ZNF486: variants seen among roughly 807,000 people sequenced by gnomAD.
ZNF486 encodes zinc finger protein 486.
A neutral mutation model predicts 12.8 loss-of-function variants in ZNF486; 12 were observed. That is an observed-to-expected ratio of 0.94 (90% CI 0.60 to 1.52). The LOEUF (loss-of-function observed/expected upper bound fraction) is 1.52, where lower values mean the gene tolerates loss of function less well. ZNF486 is among the 40% of genes most tolerant of loss of function. The pLI is 0.00. For missense variants in ZNF486, 738 were observed against 545.0 expected, an observed-to-expected ratio of 1.35 and a Z score of -3.53; for synonymous variants, 231 against 184.9, an observed-to-expected ratio of 1.25 and a Z score of -2.02.
intron 3 of ZNF486, among the ~76,000 whole-genome samples, chr19:20,192,332 C>T (rs2089910665): frequency 6.6e-6 from 1 of 152,084 alleles, no homozygotes; most frequent in African/African-American, 2.4e-5. Context: ...TATTTTGAGA[C>T]AGAGTTTCAC....
At chr19:20,175,920 G>A (rs1358696103) in intron 1 of ZNF486, among the ~76,000 whole-genome samples, 15 of 151,848 alleles carry the variant, frequency 9.9e-5, no homozygotes, top group East Asian at 3.9e-4. Context: ...GGGCAGAGGC[G>A]CCCCTCACCT....
At chr19:20,190,319 C>T (rs782298112) in intron 3 of ZNF486, among the ~76,000 whole-genome samples, 3 of 152,290 alleles carry the variant, frequency 2.0e-5, no homozygotes, top group Non-Finnish European at 1.5e-5. Flanking sequence ...TTACCTTTTG[C>T]TTTTAATTCC....
intron 1 of ZNF486, among the ~76,000 whole-genome samples, chr19:20,169,419 T>C (rs1275070295): frequency 6.6e-6 from 1 of 152,078 alleles, no homozygotes; most frequent in Non-Finnish European, 1.5e-5. Context: ...AACAGGAGGT[T>C]ATTAAAGGCC....
rs567590582 is a variant in ZNF486 at position 20,190,937 on chromosome 19, G to C, written c.253+4855G>C. ...AGGCAAATTTCTCATGAACGGCATGGTACATCCTCTTGGTAACCAAAACTT... is the reference window on the plus strand; with the variant it reads ...AGGCAAATTTCTCATGAACGGCATGCTACATCCTCTTGGTAACCAAAACTT... On this transcript the variant is annotated intron_variant, in intron 3 of 3. Coordinates refer to ENST00000335117, the MANE Select transcript of ZNF486 (RefSeq NM_052852.4). 2.6e-5 allele frequency among the ~76,000 whole-genome samples: 4 copies of C among 152,272 alleles called. No homozygotes were observed. The South Asian group carries it at 8.3e-4, about 32-fold the overall frequency.
chr19:20,168,997 C>A (rs1192483123), intron 1 of ZNF486, among the ~76,000 whole-genome samples: 3 of 152,072 alleles, frequency 2.0e-5, no homozygotes, highest in African/African-American at 7.2e-5. Context: ...CTCGCCACCA[C>A]GCCCGGCTAA....
In ZNF486 at chr19:20,167,216, C is replaced by A; in HGVS notation, c.-115C>A. The stretch of plus-strand genomic sequence containing the variant: ...CTTCCGGGTTTGGCGCGGCCTTTGT[C>A]TCTCGCTGCATCTGGAGCTCTAGGT... On this transcript the variant is annotated 5_prime_UTR_variant, in exon 1 of 4. Coordinates refer to ENST00000335117, the MANE Select transcript of ZNF486 (RefSeq NM_052852.4). 1 of 1,348,484 alleles carries A rather than the reference C, an allele frequency of 7.4e-7. No homozygotes were observed. The highest frequency in any genetic ancestry group is 1.1e-6 in the Non-Finnish European group (1 of 942,794). The allele number at this position is 1,348,484 out of a possible 1,614,324, so 83.5% of individuals were successfully genotyped here. A position where few individuals can be genotyped will look rare whatever the true frequency, so the allele number is the denominator to read the frequency against.
chr19:20,179,035 C>T (rs188752238), intron 1 of ZNF486, among the ~76,000 whole-genome samples: 1 of 152,318 alleles, frequency 6.6e-6, no homozygotes, highest in East Asian at 1.9e-4. Flanking sequence ...TATTTTGAAT[C>T]CAGATCTTGA....
At chr19:20,196,677 G>T (rs2089961204) in intron 3 of ZNF486, among the ~76,000 whole-genome samples, 1 of 150,692 alleles carries the variant, frequency 6.6e-6, no homozygotes, top group South Asian at 2.1e-4. Context: ...AGCAGGAAGA[G>T]CTGTTGCATA....
intron 1 of ZNF486, among the ~76,000 whole-genome samples, chr19:20,177,926 A>T (rs1426224985): frequency 7.0e-6 from 1 of 142,380 alleles, no homozygotes; most frequent in East Asian, 1.9e-4. Flanking sequence ...GGGGCTGTAA[A>T]CATTTGTTCT....
chr19:20,183,768 T>G (rs1047031381), intron 1 of ZNF486, among the ~76,000 whole-genome samples: 7 of 152,176 alleles, frequency 4.6e-5, no homozygotes, highest in Admixed American at 4.6e-4. Context: ...TTAAACATAT[T>G]TTTCTTAGGG....
At chr19:20,177,963 C>A (rs996765698) in intron 1 of ZNF486, among the ~76,000 whole-genome samples, 2 of 144,466 alleles carry the variant, frequency 1.4e-5, no homozygotes, top group Non-Finnish European at 3.0e-5. Context: ...GTCTCTCATC[C>A]CCCAGGCTGG....
At chr19:20,173,780 T>C (rs189079953) in intron 1 of ZNF486, among the ~76,000 whole-genome samples, 2 of 151,552 alleles carry the variant, frequency 1.3e-5, no homozygotes, top group East Asian at 1.9e-4. Flanking sequence ...TGCAGTGAGC[T>C]GAGATAGTGC....
chr19:20,182,992 C>A (rs181737873), intron 1 of ZNF486, among the ~76,000 whole-genome samples: 1 of 152,114 alleles, frequency 6.6e-6, no homozygotes, highest in Non-Finnish European at 1.5e-5. Flanking sequence ...GAGTTTAGTA[C>A]TCACAAACCT....
chr19:20,174,099 A>G, intron 1 of ZNF486, among the ~76,000 whole-genome samples: 1 of 152,200 alleles, frequency 6.6e-6, no homozygotes, highest in Non-Finnish European at 1.5e-5. Context: ...AAGGGCACAC[A>G]GAAGCTTAGC....
intron 3 of ZNF486, among the ~76,000 whole-genome samples, chr19:20,192,499 G>A (rs2089912481): frequency 6.6e-6 from 1 of 152,116 alleles, no homozygotes; most frequent in Admixed American, 6.5e-5. Flanking sequence ...GTAGAGATGG[G>A]ATTCCACCAT....
At position 20,181,543 on chromosome 19, in the gene ZNF486, CA is replaced by C. The variant is rs66504246; in HGVS notation, c.31-2800del. 2.7e-3 allele frequency among the ~76,000 whole-genome samples: 346 copies of C among 127,760 alleles called. 1 individual carries two copies. The highest frequency in any genetic ancestry group is 3.5e-3 in the Non-Finnish European group (194 of 56,158). The allele number at this position is 127,760 out of a possible 152,430, so 83.8% of individuals were successfully genotyped here. On this transcript the variant is annotated intron_variant, in intron 1 of 3. Coordinates refer to ENST00000335117, the MANE Select transcript of ZNF486 (RefSeq NM_052852.4). ...GGCAGCGAGACTCCATCTCAAAAAA[CA>C]AAAAAAAAAAAAGGGAAAAATAAAG...
At chr19:20,178,105 T>A (rs1313233527) in intron 1 of ZNF486, among the ~76,000 whole-genome samples, 1 of 148,752 alleles carries the variant, frequency 6.7e-6, no homozygotes, top group Non-Finnish European at 1.5e-5. Flanking sequence ...TTTTTTGTAT[T>A]TTTAGTAGAG....
rs564267852 is a variant in ZNF486, at chr19:20,180,580, A to AT, written c.31-3768dup. ...TATGAATAGAATAATTGTTATTATA[A>AT]TTTTTTTTCTTTAGTCAGAATCTCA... On this transcript the variant is annotated intron_variant, in intron 1 of 3. Coordinates refer to ENST00000335117, the MANE Select transcript of ZNF486 (RefSeq NM_052852.4). Among the ~76,000 whole-genome samples, 16 of 152,134 alleles carry AT rather than the reference A, an allele frequency of 1.1e-4. No individual in the cohort carries two copies. In the East Asian group the frequency reaches 3.1e-3, roughly 29 times the overall value.
chr19:20,168,760 A>G (rs907102338), intron 1 of ZNF486, among the ~76,000 whole-genome samples: 26 of 152,260 alleles, frequency 1.7e-4, no homozygotes, highest in Non-Finnish European at 3.5e-4. Context: ...AACCAAGTGA[A>G]TAACACTGAC....
Sources: gnomAD v4.1 joint callset for allele counts (sites outside exome capture counted in the v4.1 genomes callset) on GRCh38, gnomAD v4.1.1 for gene constraint, MANE v1.5 for transcripts, NCBI Gene and HGNC (gene_info 2026-07-23, HGNC 2026-07-21) for gene names.